MCC: variants seen among roughly 807,000 people sequenced by gnomAD.
The protein encoded by MCC is MCC regulator of Wnt signaling pathway.
A neutral mutation model predicts 116.2 loss-of-function variants in MCC; 90 were observed. That is an observed-to-expected ratio of 0.77 (90% CI 0.65 to 0.92). The LOEUF (loss-of-function observed/expected upper bound fraction) is 0.92. Ranked by LOEUF, MCC falls within the 40% of genes least tolerant of loss-of-function variation. MCC has a pLI of 0.00. For synonymous variants in MCC, 578 were observed against 510.5 expected (o/e 1.13, Z -1.78); for missense variants, 1,516 against 1,312.2 (o/e 1.16, Z -2.40).
intron 3 of MCC, among the ~76,000 whole-genome samples, chr5:113,225,881 A>G (rs1763714828): frequency 6.6e-6 from 1 of 152,252 alleles, no homozygotes. Flanking sequence ...GTAACACAAG[A>G]AACGTCTTGG....
At chr5:113,310,061 G>C (rs1263872239) in intron 3 of MCC, among the ~76,000 whole-genome samples, 4 of 152,128 alleles carry the variant, frequency 2.6e-5, no homozygotes, top group Admixed American at 6.5e-5. Context: ...CGATTTGAAG[G>C]CACCAGCAGC....
Position 113,365,538 on chromosome 5 carries a change from C to T in MCC, c.415+19430G>A, listed in dbSNP as rs573832612. The stretch of plus-strand genomic sequence containing the variant: ...TCTAAGCCCTCCACACTCTTCCAAC[C>T]TCTGCCCATTACCCAGTTCCAAAGC... On this transcript the variant is annotated intron_variant, in intron 2 of 18. Coordinates refer to ENST00000408903, the MANE Select transcript of MCC (RefSeq NM_001085377.2). 5.3e-5 allele frequency among the ~76,000 whole-genome samples: 8 copies of T among 152,364 alleles called. No homozygotes were observed. The East Asian group carries it at 7.7e-4, about 15-fold the overall frequency.
intron 4 of MCC, among the ~76,000 whole-genome samples, chr5:113,145,137 A>G (rs1759417696): frequency 6.6e-6 from 1 of 152,220 alleles, no homozygotes. Flanking sequence ...AGAACAGAAC[A>G]CTGTTCCTCT....
chr5:113,220,170 G>T lies in MCC; in HGVS notation c.628-68748C>A, dbSNP rs1228415972. ...CCTCCCGGGTTCACGCCATTTTCCTGCCGCAGCCTCCTCAGTAGCTGGGAT... is the reference window on the plus strand; with the variant it reads ...CCTCCCGGGTTCACGCCATTTTCCTTCCGCAGCCTCCTCAGTAGCTGGGAT... On this transcript the variant is annotated intron_variant, in intron 3 of 18. Coordinates refer to ENST00000408903, the MANE Select transcript of MCC (RefSeq NM_001085377.2). Among the ~76,000 whole-genome samples the T allele has an allele frequency of 6.6e-5, 6 of 90,810 alleles. 2 individuals carry two copies. Among genetic ancestry groups the T allele is most frequent in the African/African-American group, 1.6e-4 (6 of 38,506 alleles). The allele number at this position is 90,810 out of a possible 152,430, so 59.6% of individuals were successfully genotyped here.
chr5:113,058,578 T>C (rs1752995422), intron 14 of MCC, among the ~76,000 whole-genome samples: 1 of 152,220 alleles, frequency 6.6e-6, no homozygotes, highest in Non-Finnish European at 1.5e-5. Context: ...TCCTAGGTTT[T>C]CTAGGTAGAG....
At chr5:113,200,263 T>TA (rs1313467429) in intron 3 of MCC, among the ~76,000 whole-genome samples, 3 of 152,178 alleles carry the variant, frequency 2.0e-5, no homozygotes, top group Non-Finnish European at 4.4e-5. Flanking sequence ...CTGTGAGTAG[T>TA]AAACATCATG....
intron 12 of MCC, 26 bp from the exon 13 acceptor site, chr5:113,068,209 G>A (rs986468025): frequency 1.1e-5 from 17 of 1,579,254 alleles, no homozygotes; most frequent in Non-Finnish European, 1.5e-5. Context: ...TGGGGCCTCA[G>A]CCCTTGCAGA....
At chr5:113,409,370 T>TA (rs1004004640) in intron 1 of MCC, among the ~76,000 whole-genome samples, 1 of 151,924 alleles carries the variant, frequency 6.6e-6, no homozygotes, top group South Asian at 2.1e-4. Context: ...TTTTTTTTTT[T>TA]AGACAGGGTC....
intron 17 of MCC, among the ~76,000 whole-genome samples, chr5:113,039,001 C>T (rs537632724): frequency 6.6e-6 from 1 of 152,286 alleles, no homozygotes; most frequent in African/African-American, 2.4e-5. Flanking sequence ...TAAATGACCG[C>T]AGCCTCCTGG....
At chr5:113,433,984 T>A in intron 1 of MCC, 1 of 1,613,944 alleles carries the variant, frequency 6.2e-7, no homozygotes, top group Non-Finnish European at 8.5e-7. Flanking sequence ...TCCCCCTCCT[T>A]GTTGATGGCC....
rs1770798560 is a variant in MCC, at chr5:113,434,819, G to A, written c.171-49607C>T. 1.9e-6 allele frequency: 3 copies of A among 1,610,226 alleles called. No individual in the cohort carries two copies. Among genetic ancestry groups the A allele is most frequent in the Non-Finnish European group, 2.5e-6 (3 of 1,177,002 alleles). On this transcript the variant is annotated intron_variant, in intron 1 of 18. Transcript: ENST00000408903. This position sits in a 1 kb window ranked among gnomAD's most constrained non-coding sequence, Gnocchi z 4.2. ...TCCCCAGGAGGTAGCCTCGTCGCTT[G>A]AGGACAGCAGCGTCATCCATGGTGC...
chr5:113,299,064 G>A (rs929683977), intron 3 of MCC, among the ~76,000 whole-genome samples: 14 of 151,856 alleles, frequency 9.2e-5, no homozygotes, highest in African/African-American at 2.2e-4. Context: ...CAACACAGGC[G>A]GATCACGAGG....
chr5:113,118,677 T>C, intron 6 of MCC, among the ~76,000 whole-genome samples: 1 of 152,236 alleles, frequency 6.6e-6, no homozygotes. Context: ...GCAACTATAA[T>C]GAAATGGCTA....
intron 2 of MCC, among the ~76,000 whole-genome samples, chr5:113,377,824 G>A (rs1156364198): frequency 3.3e-5 from 5 of 152,030 alleles, no homozygotes; most frequent in African/African-American, 1.2e-4. Flanking sequence ...GACTTTAAAG[G>A]CCTTTATAAC....
In MCC at chr5:113,459,662, A is replaced by G. The variant is rs1216298488; in HGVS notation, c.170+28583T>C. ...AGGACCTACAGGACCAGAAGGAGCC[A>G]TATTCATGTGCCACCTCAGAAACCT... is the stretch of plus-strand genomic sequence containing the variant. On this transcript the variant is annotated intron_variant, in intron 1 of 18. Transcript: ENST00000408903. Among the ~76,000 whole-genome samples, 3 of 152,172 alleles carry G rather than the reference A, an allele frequency of 2.0e-5. No individual in the cohort carries two copies. In the East Asian group the frequency reaches 5.8e-4, roughly 29 times the overall value.
intron 2 of MCC, among the ~76,000 whole-genome samples, chr5:113,359,000 A>G (rs1768478901): frequency 6.6e-6 from 1 of 152,206 alleles, no homozygotes; most frequent in Non-Finnish European, 1.5e-5. Flanking sequence ...GTACAGATAA[A>G]TAGAGTCTAT....
chr5:113,182,360 C>T (rs1426245190), intron 3 of MCC, among the ~76,000 whole-genome samples: 10 of 152,116 alleles, frequency 6.6e-5, no homozygotes, highest in Admixed American at 6.5e-4. Flanking sequence ...TTCCTCAGAC[C>T]ACACTAACAA....
chr5:113,068,506 G>A (rs1019814502), intron 12 of MCC, among the ~76,000 whole-genome samples: 1 of 152,166 alleles, frequency 6.6e-6, no homozygotes, highest in Non-Finnish European at 1.5e-5. Flanking sequence ...AGGTAGTCCC[G>A]CTGAGCCGGC....
At position 113,023,891 on chromosome 5, in the gene MCC, T is replaced by C. The variant is rs1750340481; in HGVS notation, c.*3411A>G. On this transcript the variant is annotated 3_prime_UTR_variant, in exon 19 of 19. Coordinates refer to ENST00000408903, the MANE Select transcript of MCC (RefSeq NM_001085377.2). ...ACCTTCAGAAGGGAACAAGCAACTATGGAGGTTCTTTAATTCATGCCAGGG... is the reference window on the plus strand; with the variant it reads ...ACCTTCAGAAGGGAACAAGCAACTACGGAGGTTCTTTAATTCATGCCAGGG... 1 of 152,230 alleles carries C rather than the reference T, an allele frequency of 6.6e-6. No individual in the cohort carries two copies. Among genetic ancestry groups the C allele is most frequent in the South Asian group, 2.1e-4 (1 of 4,836 alleles). The allele number at this position is 152,230 out of a possible 1,614,324, so 9.4% of individuals were successfully genotyped here.
Sources: allele counts gnomAD v4.1 joint callset (sites outside exome capture counted in the v4.1 genomes callset), GRCh38; gene constraint gnomAD v4.1.1; non-coding constraint Gnocchi (gnomAD v3.1); transcripts MANE v1.5; gene names NCBI Gene and HGNC (gene_info 2026-07-23, HGNC 2026-07-21).